Variants in HECW2 observed in about 807,000 individuals in gnomAD.
HECW2 encodes the protein E3 ubiquitin-protein ligase HECW2.
In HECW2, 61 loss-of-function variants were observed where a neutral mutation model predicts 175.2. The observed-to-expected ratio is 0.35, with a 90% CI of 0.28 to 0.43. The LOEUF (loss-of-function observed/expected upper bound fraction) is 0.43, where lower values mean the gene tolerates loss of function less well. Ranked by LOEUF, HECW2 falls within the 20% of genes least tolerant of loss-of-function variation. The probability of loss-of-function intolerance (pLI) is 1.00; values close to 1 mark genes in which losing one functional copy is unlikely to be tolerated. For missense variants in HECW2, 1,524 were observed against 2,000.5 expected, an observed-to-expected ratio of 0.76 and a Z score of 4.54; for synonymous variants, 671 against 731.0, an observed-to-expected ratio of 0.92 and a Z score of 1.32.
intron 1 of HECW2, among the ~76,000 whole-genome samples, chr2:196,526,429 T>C (rs1383732400): frequency 6.6e-6 from 1 of 150,746 alleles, no homozygotes; most frequent in Non-Finnish European, 1.5e-5. Flanking sequence ...TTGAATGTCC[T>C]CCCGTAGCTC....
At chr2:196,545,886 T>G (rs1689404374) in intron 1 of HECW2, among the ~76,000 whole-genome samples, 1 of 152,222 alleles carries the variant, frequency 6.6e-6, no homozygotes, top group Admixed American at 6.5e-5. Flanking sequence ...CCAAATTAAA[T>G]GCAATGAATT....
chr2:196,592,440 A>G (rs1559193259), intron 1 of HECW2: 1 of 152,230 alleles, frequency 6.6e-6, no homozygotes, highest in Non-Finnish European at 1.5e-5. Flanking sequence ...CTAATAGTGA[A>G]GACAAGGCAT....
At chr2:196,478,461 G>T (rs554601765) in intron 1 of HECW2, among the ~76,000 whole-genome samples, 1 of 152,092 alleles carries the variant, frequency 6.6e-6, no homozygotes, top group Non-Finnish European at 1.5e-5. Context: ...TGCAGTCACT[G>T]TTATCTATCT....
At position 196,402,803 on chromosome 2, in the gene HECW2, A is replaced by ATTT. The variant is rs369586280; in HGVS notation, c.292+30326_292+30328dup. ...AACAAACAGATTCCTTGCCTTGGGA[A>ATTT]TTTTTTTTTTTTTTTTTTTTTGAGA... is the stretch of plus-strand genomic sequence containing the variant. On this transcript the variant is annotated intron_variant, in intron 2 of 28. Transcript: ENST00000644978. Among the ~76,000 whole-genome samples the ATTT allele has an allele frequency of 4.0e-3, 490 of 123,600 alleles. 17 individuals carry two copies. The highest frequency in any genetic ancestry group is 8.1e-3 in the African/African-American group (264 of 32,550). 81.1% of individuals were successfully genotyped at this position (123,600 alleles called of 152,430 possible).
intron 2 of HECW2, among the ~76,000 whole-genome samples, chr2:196,404,355 G>A (rs549011747): frequency 2.6e-5 from 4 of 152,282 alleles, no homozygotes; most frequent in African/African-American, 7.2e-5. Context: ...GTAATAAAGA[G>A]ATTCTTCAAA....
At chr2:196,289,229 C>T (rs1411740452) in intron 14 of HECW2, 5 of 152,206 alleles carry the variant, frequency 3.3e-5, no homozygotes, top group Non-Finnish European at 7.3e-5. Flanking sequence ...TGTTAAGAAC[C>T]ATTTCCTTTC....
At chr2:196,469,130 T>C (rs1019530504) in intron 1 of HECW2, among the ~76,000 whole-genome samples, 35 of 137,100 alleles carry the variant, frequency 2.6e-4, no homozygotes, top group African/African-American at 1.1e-3. Flanking sequence ...CGTGTGTGTG[T>C]GTGTGTGTGT....
chr2:196,378,277 A>G (rs73053794), intron 2 of HECW2, among the ~76,000 whole-genome samples: 3,278 of 152,266 alleles, frequency 0.022, 116 homozygotes, highest in African/African-American at 0.075. Context: ...TACACACACA[A>G]TTTCATACAA....
intron 1 of HECW2, among the ~76,000 whole-genome samples, chr2:196,527,305 C>T (rs1394815681): frequency 2.0e-5 from 3 of 152,264 alleles, no homozygotes; most frequent in Non-Finnish European, 4.4e-5. Context: ...TTGCACTTCC[C>T]AAGTGAGGCA....
intron 23 of HECW2, among the ~76,000 whole-genome samples, chr2:196,224,664 A>C (rs1234833583): frequency 1.3e-5 from 2 of 152,212 alleles, no homozygotes; most frequent in Non-Finnish European, 2.9e-5. Context: ...CGGACTAATC[A>C]GTATTCTTTA....
At chr2:196,283,759 G>A (rs558698208) in intron 14 of HECW2, among the ~76,000 whole-genome samples, 1 of 152,288 alleles carries the variant, frequency 6.6e-6, no homozygotes, top group East Asian at 1.9e-4. Context: ...TGGAAACAGT[G>A]AAGTTTCCAC....
intron 2 of HECW2, among the ~76,000 whole-genome samples, chr2:196,392,348 T>C (rs550433273): frequency 2.6e-5 from 4 of 152,302 alleles, no homozygotes; most frequent in Admixed American, 2.6e-4. Flanking sequence ...CGGATAGGAA[T>C]GTAAGATAAA....
chr2:196,292,770 A>G lies in HECW2; in HGVS notation c.2815-20T>C. The G allele has an allele frequency of 6.3e-7, 1 of 1,591,342 alleles. No homozygotes were observed. Among genetic ancestry groups the G allele is most frequent in the Non-Finnish European group, 8.6e-7 (1 of 1,162,554 alleles). The stretch of plus-strand genomic sequence containing the variant: ...GGCACTCTAAAGAAAAGAATGGAGA[A>G]CCAATGTTAACCCACTTGTGACATG... On this transcript the variant is annotated intron_variant, in intron 13 of 28. Coordinates refer to ENST00000644978, the MANE Select transcript of HECW2 (RefSeq NM_001348768.2).
At position 196,202,317 on chromosome 2, in the gene HECW2, C is replaced by G. The variant is rs568240125; in HGVS notation, c.4608-929G>C. ...TGTCTATACTTTTACTCTGATAAAT[C>G]CCTTTTCCTTATGAAATAAATATAA... On this transcript the variant is annotated intron_variant, in intron 28 of 28. Coordinates refer to ENST00000644978, the MANE Select transcript of HECW2 (RefSeq NM_001348768.2). Among the ~76,000 whole-genome samples the G allele has an allele frequency of 2.0e-5, 3 of 152,264 alleles. No homozygotes were observed. The East Asian group carries it at 5.8e-4, about 29-fold the overall frequency.
intron 28 of HECW2, among the ~76,000 whole-genome samples, chr2:196,209,919 AC>A (rs2105783704): frequency 6.6e-6 from 1 of 151,818 alleles, no homozygotes; most frequent in Non-Finnish European, 1.5e-5. Flanking sequence ...GCCCACCACC[AC>A]GCCCGGCCAA....
chr2:196,398,584 T>G (rs1381966358), intron 2 of HECW2, among the ~76,000 whole-genome samples: 1 of 152,192 alleles, frequency 6.6e-6, no homozygotes, highest in Non-Finnish European at 1.5e-5. Flanking sequence ...AAGTTATCTA[T>G]GCACCTCGAA....
At chr2:196,534,251 GGT>G (rs1320558774) in intron 1 of HECW2, among the ~76,000 whole-genome samples, 1 of 151,402 alleles carries the variant, frequency 6.6e-6, no homozygotes, top group Admixed American at 6.6e-5. Flanking sequence ...ATGAGTCTTC[GGT>G]GTGTGTCAGG....
chr2:196,438,271 T>C (rs1695939938), intron 1 of HECW2, among the ~76,000 whole-genome samples: 1 of 152,196 alleles, frequency 6.6e-6, no homozygotes, highest in Non-Finnish European at 1.5e-5. Flanking sequence ...AATTGAAATA[T>C]AACACAACCC....
intron 2 of HECW2, among the ~76,000 whole-genome samples, chr2:196,392,948 A>G (rs569485315): frequency 6.6e-6 from 1 of 152,244 alleles, no homozygotes; most frequent in Non-Finnish European, 1.5e-5. Context: ...TACTGGTACC[A>G]AAACAGAGAT....
Sources: gnomAD v4.1 joint callset for allele counts (sites outside exome capture counted in the v4.1 genomes callset) on GRCh38, gnomAD v4.1.1 for gene constraint, MANE v1.5 for transcripts, NCBI Gene and HGNC (gene_info 2026-07-23, HGNC 2026-07-21) for gene names.